The following ZBTB4 variants were observed in gnomAD, a reference collection of about 807,000 sequenced individuals.
ZBTB4 encodes the protein zinc finger and BTB domain containing 4, also known as zinc finger and BTB domain-containing protein 4.
Under a neutral mutation model 59.8 loss-of-function variants are expected in ZBTB4, and 14 were observed. The observed-to-expected ratio is 0.23, with a 90% CI of 0.15 to 0.37. The LOEUF is 0.37. Among genes scored for constraint, ZBTB4 ranks in the 10% least tolerant of loss-of-function variants. The pLI, the probability that ZBTB4 is intolerant of heterozygous loss-of-function variation, is 1.00. For synonymous variants in ZBTB4, 587 were observed against 575.2 expected (o/e 1.02, Z -0.29); for missense variants, 1,198 against 1,380.8 (o/e 0.87, Z 2.10).
chr17:7,472,230 G>A (rs2070207562), intron 1 of ZBTB4, among the ~76,000 whole-genome samples: 2 of 151,322 alleles, frequency 1.3e-5, no homozygotes, highest in South Asian at 4.1e-4. Context: ...CAGCTCTGTC[G>A]CCCAGGCTGG....
chr17:7,465,662 C>T (rs765237689), intron 3 of ZBTB4, 49 bp downstream of exon 3: 7 of 1,548,180 alleles, frequency 4.5e-6, no homozygotes, highest in Admixed American at 1.8e-5. Context: ...TTCCTATGAC[C>T]GCTGAGTGCC....
chr17:7,475,273 G>A (rs536408149), intron 1 of ZBTB4, among the ~76,000 whole-genome samples: 15 of 151,856 alleles, frequency 9.9e-5, no homozygotes, highest in Non-Finnish European at 1.6e-4. Context: ...CCCGGAAGGC[G>A]GAGGTTGCAG....
At chr17:7,482,551 C>G (rs1017293153), upstream of ZBTB4, 1 of 1,612,544 alleles carries the variant, frequency 6.2e-7, no homozygotes, top group Non-Finnish European at 8.5e-7. Context: ...GTGTCTACAC[C>G]GCCCTGGGCT....
At chr17:7,468,225 T>C (rs993542832) in intron 1 of ZBTB4, among the ~76,000 whole-genome samples, 13 of 152,152 alleles carry the variant, frequency 8.5e-5, no homozygotes, top group African/African-American at 3.1e-4. Flanking sequence ...TACAAAAAAT[T>C]AGCCGGGCGT....
Position 7,466,001 on chromosome 17 carries a change from C to T in ZBTB4, c.801G>A (p.Gly267=), listed in dbSNP as rs745944044. ...RRGASTRGST[G]LGAGGAGPGG... is the part of the protein sequence containing the mutation. ...CAGGGCCAGCGCCCCCAGCTCCCAGCCCTGTAGACCCCCGCGTGCTGGCCC... is the reference window on the plus strand; with the variant it reads ...CAGGGCCAGCGCCCCCAGCTCCCAGTCCTGTAGACCCCCGCGTGCTGGCCC... The change falls in exon 3 of 4, where the codon GGG becomes GGA. Residue 267 remains glycine, a synonymous_variant. Transcript: ENST00000380599. The surrounding 1 kb of genome is among the most constrained non-coding windows in gnomAD (Gnocchi z 9.1). The T allele has an allele frequency of 1.9e-6, 3 of 1,606,478 alleles. No homozygotes were observed. Among genetic ancestry groups the T allele is most frequent in the South Asian group, 1.1e-5 (1 of 90,664 alleles).
At chr17:7,471,754 G>C (rs1044125144) in intron 1 of ZBTB4, among the ~76,000 whole-genome samples, 3 of 152,022 alleles carry the variant, frequency 2.0e-5, no homozygotes, top group Non-Finnish European at 4.4e-5. Flanking sequence ...TACCTTGTGG[G>C]GTTGTTGTAA....
At chr17:7,476,102 G>A (rs749702322) in intron 1 of ZBTB4, among the ~76,000 whole-genome samples, 1 of 152,118 alleles carries the variant, frequency 6.6e-6, no homozygotes, top group African/African-American at 2.4e-5. Context: ...TAACACTCAC[G>A]TGGTCCAAGG....
At chr17:7,470,632 G>A (rs1257634634) in intron 1 of ZBTB4, among the ~76,000 whole-genome samples, 3 of 152,168 alleles carry the variant, frequency 2.0e-5, no homozygotes, top group African/African-American at 7.2e-5. Flanking sequence ...GGAGGCAAAG[G>A]TTGCAGTGAG....
intron 1 of ZBTB4, among the ~76,000 whole-genome samples, chr17:7,467,545 T>G (rs1400630192): frequency 6.6e-6 from 1 of 152,200 alleles, no homozygotes; most frequent in Non-Finnish European, 1.5e-5. Context: ...CGCAGATTAT[T>G]GCAGAGCCTT....
At chr17:7,474,233 T>TTTTTTTTTTG in intron 1 of ZBTB4, among the ~76,000 whole-genome samples, 1 of 149,970 alleles carries the variant, frequency 6.7e-6, no homozygotes, top group Admixed American at 6.6e-5. Flanking sequence ...TTTTTTTTTT[T>TTTTTTTTTTG]GACATGAGGT....
At chr17:7,479,781 A>T (rs1396180373), upstream of ZBTB4, among the ~76,000 whole-genome samples, 2 of 150,640 alleles carry the variant, frequency 1.3e-5, no homozygotes, top group Non-Finnish European at 3.0e-5. Flanking sequence ...CCCAGGACTG[A>T]CCCCCGCGGC....
chr17:7,478,160 C>A (rs887915140), intron 1 of ZBTB4, among the ~76,000 whole-genome samples: 3 of 152,162 alleles, frequency 2.0e-5, no homozygotes, highest in Non-Finnish European at 4.4e-5. Flanking sequence ...GTTTTCTGAC[C>A]AGTTTGCCTC....
At chr17:7,472,538 C>T (rs562919413) in intron 1 of ZBTB4, among the ~76,000 whole-genome samples, 2 of 151,170 alleles carry the variant, frequency 1.3e-5, no homozygotes, top group South Asian at 4.2e-4. Flanking sequence ...ACCATGCTGG[C>T]AAGGCTGGTT....
chr17:7,481,173 A>AT (rs2070340414), upstream of ZBTB4, among the ~76,000 whole-genome samples: 12 of 151,374 alleles, frequency 7.9e-5, no homozygotes, highest in South Asian at 2.5e-3. Flanking sequence ...CAAAAAAAAA[A>AT]AAAAAAATTA....
At chr17:7,467,354 G>A in intron 1 of ZBTB4, 27 bp from the exon 2 acceptor site, 2 of 724,484 alleles carry the variant, frequency 2.8e-6, no homozygotes, top group Non-Finnish European at 3.4e-6. Flanking sequence ...ATTATGTCAG[G>A]GGAACCTAGA....
At chr17:7,465,155 C>CAA (rs1248932908) in intron 3 of ZBTB4, among the ~76,000 whole-genome samples, 2,113 of 51,982 alleles carry the variant, frequency 0.041, 199 homozygotes, top group African/African-American at 0.13. Flanking sequence ...GACTCTGTCT[C>CAA]AAAAAAAAAA....
intron 1 of ZBTB4, among the ~76,000 whole-genome samples, chr17:7,473,612 T>C (rs1038691349): frequency 2.6e-5 from 4 of 152,050 alleles, no homozygotes; most frequent in East Asian, 1.9e-4. Flanking sequence ...AATGGTGAGA[T>C]TGAGGCTCAC....
chr17:7,462,630 C>A lies in ZBTB4; in HGVS notation c.2352G>T (p.Gly784=). ...CKTAAALSRH[G]QRHAAERPGG... ...CGGGCCGCTCAGCAGCATGCCTCTG[C>A]CCGTGGCGGCTCAGGGCAGCTGCGG... The change falls in exon 4 of 4, where the codon GGG becomes GGT. Residue 784 remains glycine, a synonymous_variant. Coordinates refer to ENST00000380599, the MANE Select transcript of ZBTB4 (RefSeq NM_001128833.2). The surrounding 1 kb of genome is among the most constrained non-coding windows in gnomAD (Gnocchi z 7.5). 6.2e-7 allele frequency: 1 copy of A among 1,608,202 alleles called. No homozygotes were observed. Among genetic ancestry groups the A allele is most frequent in the South Asian group, 1.1e-5 (1 of 90,316 alleles).
In ZBTB4 at chr17:7,463,700, T is replaced by G. The variant is rs1403783112; in HGVS notation, c.1282A>C (p.Lys428Gln). 6.2e-7 allele frequency: 1 copy of G among 1,613,884 alleles called. No individual in the cohort carries two copies. The highest frequency in any genetic ancestry group is 1.7e-5 in the Admixed American group (1 of 60,026). The part of the protein sequence containing the change: ...LPMRAAKRPY[K>Q]TYSQGAPEAP... ...TCCGGGGCTCCCTGGCTGTAGGTCTTGTAGGGCCGCTTGGCTGCCCGCATG... is the reference window on the plus strand; with the variant it reads ...TCCGGGGCTCCCTGGCTGTAGGTCTGGTAGGGCCGCTTGGCTGCCCGCATG... Residue 428 changes from lysine to glutamine, a missense_variant, in exon 4 of 4, where the codon AAG becomes CAG. Around this residue, in one of 9 missense-constraint regions of ZBTB4, gnomAD observed 60 missense variants for 93.0 expected, o/e 0.64. Coordinates refer to ENST00000380599, the MANE Select transcript of ZBTB4 (RefSeq NM_001128833.2).
Sources: gnomAD v4.1 joint callset for allele counts (sites outside exome capture counted in the v4.1 genomes callset) on GRCh38, gnomAD v4.1.1 for gene constraint, gnomAD v4.1.1 regional missense constraint, Gnocchi (gnomAD v3.1) non-coding constraint, MANE v1.5 for transcripts, NCBI Gene and HGNC (gene_info 2026-07-23, HGNC 2026-07-21) for gene names.